FAM234A: variants seen among roughly 807,000 people sequenced by gnomAD.
FAM234A encodes the protein family with sequence similarity 234 member A.
Under a neutral mutation model 49.1 loss-of-function variants are expected in FAM234A, and 42 were observed. The observed-to-expected ratio is 0.86, with a 90% CI of 0.67 to 1.11. The LOEUF is 1.11. Among genes scored for constraint, FAM234A ranks in the 50% least tolerant of loss-of-function variants. FAM234A has a pLI of 0.00. For missense variants in FAM234A, 815 were observed against 745.2 expected (o/e 1.09, Z -1.09); for synonymous variants, 369 against 316.2 (o/e 1.17, Z -1.77).
chr16:247,256 G>T (rs903851702), intron 1 of FAM234A, among the ~76,000 whole-genome samples: 17 of 151,492 alleles, frequency 1.1e-4, no homozygotes, highest in Admixed American at 1.3e-4. Flanking sequence ...TCAGCTCCTG[G>T]GTAGCTAAGA....
chr16:262,752 C>T (rs924821781), intron 8 of FAM234A, among the ~76,000 whole-genome samples, 199 bp downstream of exon 8: 1 of 151,552 alleles, frequency 6.6e-6, no homozygotes, highest in African/African-American at 2.4e-5. Context: ...GAAAGGTTCC[C>T]GACGCTGTGC....
chr16:256,574 T>C (rs961496640), intron 3 of FAM234A, among the ~76,000 whole-genome samples: 1 of 151,836 alleles, frequency 6.6e-6, no homozygotes, highest in African/African-American at 2.4e-5. Flanking sequence ...TATTTATTTA[T>C]TTATTTATTT....
rs554044361 is a variant in FAM234A at position 265,813 on chromosome 16, C to T, written c.*791C>T. 6.3e-5 allele frequency: 62 copies of T among 985,760 alleles called. No homozygotes were observed. Among genetic ancestry groups the T allele is most frequent in the East Asian group, 1.1e-4 (1 of 8,820 alleles). 61.1% of individuals were successfully genotyped at this position (985,760 alleles called of 1,614,324 possible). A position where few individuals can be genotyped will look rare whatever the true frequency, so the allele number is the denominator to read the frequency against. The stretch of plus-strand genomic sequence containing the variant: ...AATGCGTGTTTGGGTCAGTCTGTGC[C>T]CTCTCAGTAGACACTGGAGCTGCTC... On this transcript the variant is annotated 3_prime_UTR_variant, in exon 13 of 13. Transcript: ENST00000399932.
Position 265,079 on chromosome 16 carries a change from G to A in FAM234A, c.*57G>A. The A allele has an allele frequency of 6.5e-7, 1 of 1,535,910 alleles. No individual in the cohort carries two copies. Among genetic ancestry groups the A allele is most frequent in the Non-Finnish European group, 8.8e-7 (1 of 1,141,442 alleles). ...CCGCCTGCTGACACTAAACGTCCTG[G>A]GAAGTGGGCCCTTCCCTGGGTCTCT... On this transcript the variant is annotated 3_prime_UTR_variant, in exon 13 of 13. Transcript: ENST00000399932.
downstream of FAM234A, among the ~76,000 whole-genome samples, chr16:267,783 CAT>C (rs2051737110): frequency 9.0e-6 from 1 of 111,334 alleles, no homozygotes; most frequent in South Asian, 2.9e-4. Flanking sequence ...ACACACCACA[CAT>C]GCCTCACAGT....
chr16:267,349 C>T (rs777479652), downstream of FAM234A, among the ~76,000 whole-genome samples: 4 of 152,124 alleles, frequency 2.6e-5, no homozygotes, highest in Non-Finnish European at 5.9e-5. Flanking sequence ...AGTCTGCTGC[C>T]TGGGTCTGAG....
In FAM234A at chr16:250,287, A is replaced by T. The variant is rs531178922; in HGVS notation, c.-34+633A>T. ...CCTTCCTTGGGGACATGGTGGCTAG[A>T]TTTGCTGAATTAATGGCCGTCTCCT... On this transcript the variant is annotated intron_variant, in intron 2 of 12. Coordinates refer to ENST00000399932, the MANE Select transcript of FAM234A (RefSeq NM_032039.4). 3.5e-4 allele frequency among the ~76,000 whole-genome samples: 54 copies of T among 152,200 alleles called. 1 individual carries two copies. Among genetic ancestry groups the T allele is most frequent in the African/African-American group, 1.2e-3 (51 of 41,530 alleles).
At chr16:260,440 G>A in intron 5 of FAM234A, 1 of 527,878 alleles carries the variant, frequency 1.9e-6, no homozygotes. Context: ...CTGCCATGGG[G>A]TAGCAGAGAG....
chr16:262,123 G>A lies in FAM234A; in HGVS notation c.739G>A (p.Gly247Arg), dbSNP rs371169838. The change falls in exon 7 of 13, where the codon GGG (glycine) becomes AGG (arginine). Residue 247 changes from glycine to arginine, a missense_variant. By Grantham distance (125) the Gly-to-Arg change is moderately radical. Coordinates refer to ENST00000399932, the MANE Select transcript of FAM234A (RefSeq NM_032039.4). ...VSGHLYSGST[G>R]HQIGLRGSLG... ...TGGCCACCTCTACTCCGGCAGCACCGGGCACCAGATTGGCCTCAGAGGCAG... is the reference window on the plus strand; with the variant it reads ...TGGCCACCTCTACTCCGGCAGCACCAGGCACCAGATTGGCCTCAGAGGCAG... 46 of 1,613,900 alleles carry A rather than the reference G, an allele frequency of 2.9e-5. No homozygotes were observed. Among genetic ancestry groups the A allele is most frequent in the Admixed American group, 3.3e-5 (2 of 59,998 alleles).
At chr16:258,405 C>T (rs1307468653) in intron 3 of FAM234A, among the ~76,000 whole-genome samples, 1 of 152,158 alleles carries the variant, frequency 6.6e-6, no homozygotes, top group East Asian at 1.9e-4. Context: ...GCACATCTTG[C>T]ACCGCCCTTA....
chr16:268,627 A>G, downstream of FAM234A: 1 of 699,512 alleles, frequency 1.4e-6, no homozygotes, highest in Non-Finnish European at 2.4e-6. Flanking sequence ...ATCGGGGGGG[A>G]GGCCGCGGCC....
chr16:242,535 G>C (rs183473442), intron 1 of FAM234A, among the ~76,000 whole-genome samples: 10 of 151,794 alleles, frequency 6.6e-5, no homozygotes, highest in Non-Finnish European at 1.0e-4. Context: ...TAGGCCAGGG[G>C]AATAATCCGT....
At chr16:243,489 T>A (rs1422580183) in intron 1 of FAM234A, among the ~76,000 whole-genome samples, 1 of 152,226 alleles carries the variant, frequency 6.6e-6, no homozygotes, top group Non-Finnish European at 1.5e-5. Context: ...GTATTTTTAA[T>A]GACCGCAGTA....
Position 254,670 on chromosome 16 carries a change from A to G in FAM234A, c.257A>G (p.Tyr86Cys). 6.2e-7 allele frequency: 1 copy of G among 1,613,560 alleles called. No homozygotes were observed. The highest frequency in any genetic ancestry group is 8.5e-7 in the Non-Finnish European group (1 of 1,179,880). ...PASQRMWRID[Y>C]SAAVIYDFLA... is the part of the protein sequence containing the mutation. ...TCACAGCGAATGTGGAGGATAGACT[A>G]CAGTGCCGCTGGTGAGCCTCGGCTT... is the stretch of plus-strand genomic sequence containing the variant. Residue 86 changes from tyrosine to cysteine, a missense_variant, in exon 3 of 13, where the codon TAC (tyrosine) becomes TGC (cysteine). Tyr to Cys is a radical substitution (Grantham distance 194). Coordinates refer to ENST00000399932, the MANE Select transcript of FAM234A (RefSeq NM_032039.4).
Position 259,451 on chromosome 16 carries a change from C to T in FAM234A, c.269-32C>T, listed in dbSNP as rs755927420. 4.8e-5 allele frequency: 61 copies of T among 1,266,310 alleles called. No individual in the cohort carries two copies. The East Asian group carries it at 8.1e-4, about 17-fold the overall frequency. The allele number at this position is 1,266,310 out of a possible 1,614,324, so 78.4% of individuals were successfully genotyped here. ...TCGTTCCTGGAAACCAGGCATGGCC[C>T]GCGGAGTATAGTCTGTGGTTTTCTC... On this transcript the variant is annotated intron_variant, in intron 3 of 12. Transcript: ENST00000399932.
At chr16:243,171 G>T (rs1480883259) in intron 1 of FAM234A, among the ~76,000 whole-genome samples, 1 of 151,808 alleles carries the variant, frequency 6.6e-6, no homozygotes. Flanking sequence ...TAGAGATGGG[G>T]TCTCCCCATG....
chr16:254,511 A>G lies in FAM234A; in HGVS notation c.98A>G (p.Asp33Gly). ...CTGGGAAATCCATCAAAAAATGAGG[A>G]TAACGTGAAAAGCGCGCCTCCACAG... ...ENLGNPSKNE[D>G]NVKSAPPQSR... The change falls in exon 3 of 13, where the codon GAT becomes GGT. Residue 33 changes from aspartate (D) to glycine (G), a missense_variant. Physicochemically the swap from Asp to Gly is moderately conservative, Grantham distance 94 (BLOSUM62 -1). Transcript: ENST00000399932. 3.1e-6 allele frequency: 5 copies of G among 1,614,244 alleles called. No homozygotes were observed. Among genetic ancestry groups the G allele is most frequent in the Non-Finnish European group, 4.2e-6 (5 of 1,180,032 alleles).
chr16:263,819 G>A, intron 10 of FAM234A, 44 bp downstream of exon 10: 2 of 1,526,154 alleles, frequency 1.3e-6, no homozygotes, highest in South Asian at 1.1e-5. Flanking sequence ...GTTCTTAGCT[G>A]AGGATAGACT....
chr16:251,438 G>A (rs1312779304), intron 2 of FAM234A, among the ~76,000 whole-genome samples: 1 of 151,808 alleles, frequency 6.6e-6, no homozygotes, highest in Non-Finnish European at 1.5e-5. Context: ...GCAGTGGCGT[G>A]ATCTCAGCTC....
Sources: gnomAD v4.1 joint callset for allele counts (sites outside exome capture counted in the v4.1 genomes callset) on GRCh38, gnomAD v4.1.1 for gene constraint, MANE v1.5 for transcripts, NCBI Gene and HGNC (gene_info 2026-07-23, HGNC 2026-07-21) for gene names.